The following SPTB variants were observed in gnomAD, a reference collection of about 807,000 sequenced individuals.
The protein encoded by SPTB is spectrin beta chain, erythrocytic.
SPTB carries 45 observed loss-of-function variants against 256.2 expected under a neutral mutation model. The observed-to-expected ratio is 0.18, with a 90% CI of 0.14 to 0.23. SPTB has a LOEUF of 0.23. SPTB is among the 10% of genes least tolerant of loss of function. The pLI is 1.00. For missense variants in SPTB, 2,715 were observed against 3,040.4 expected (o/e 0.89, Z 2.52); for synonymous variants, 1,231 against 1,243.1 (o/e 0.99, Z 0.21).
chr14:64,833,419 C>T (rs1020256681), intron 1 of SPTB, among the ~76,000 whole-genome samples: 9 of 152,038 alleles, frequency 5.9e-5, no homozygotes, highest in East Asian at 1.9e-4. Context: ...GGCATGGTGG[C>T]GCACACCTGT....
intron 1 of SPTB, among the ~76,000 whole-genome samples, chr14:64,842,274 C>T (rs978435082): frequency 2.0e-5 from 3 of 152,190 alleles, no homozygotes; most frequent in Non-Finnish European, 4.4e-5. Context: ...TTTCCTAGTA[C>T]ATGGTAGCAG....
intron 1 of SPTB, among the ~76,000 whole-genome samples, chr14:64,850,303 G>A (rs1594841773): frequency 6.6e-6 from 1 of 152,172 alleles, no homozygotes; most frequent in Non-Finnish European, 1.5e-5. Context: ...GGTAGGATAA[G>A]GGCCTCCCCA....
chr14:64,879,341 G>A (rs1321517297), intron 1 of SPTB, among the ~76,000 whole-genome samples: 2 of 152,200 alleles, frequency 1.3e-5, no homozygotes, highest in Non-Finnish European at 2.9e-5. Context: ...CCCAGAAGAG[G>A]GATATGAGCG....
intron 1 of SPTB, among the ~76,000 whole-genome samples, chr14:64,859,408 A>C (rs2083922649): frequency 6.6e-6 from 1 of 152,234 alleles, no homozygotes; most frequent in South Asian, 2.1e-4. Context: ...AAACAACGTA[A>C]GCTGTTAAAT....
At chr14:64,822,351 T>TCTC (rs2083302554) in intron 2 of SPTB, among the ~76,000 whole-genome samples, 4 of 8,212 alleles carry the variant, frequency 4.9e-4, no homozygotes, top group African/African-American at 2.6e-3. Flanking sequence ...CACCCCCACC[T>TCTC]TCTCTCTCTC....
chr14:64,848,407 C>A (rs1369907224), intron 1 of SPTB, among the ~76,000 whole-genome samples: 1 of 152,082 alleles, frequency 6.6e-6, no homozygotes, highest in African/African-American at 2.4e-5. Context: ...AGAGAGCTGG[C>A]CAGATGTTCT....
At position 64,823,180 on chromosome 14, in the gene SPTB, T is replaced by A. The variant is rs570924034; in HGVS notation, c.-51-35A>T. ...AGCAACACAGTCAGAGGGTTATCTCTCTACCCCCTCGGACTTTTTCTCCGG... is the reference window on the plus strand; with the variant it reads ...AGCAACACAGTCAGAGGGTTATCTCACTACCCCCTCGGACTTTTTCTCCGG... On this transcript the variant is annotated intron_variant, in intron 1 of 35. Coordinates refer to ENST00000644917, the MANE Select transcript of SPTB (RefSeq NM_001355436.2). The surrounding 1 kb of genome is among the most constrained non-coding windows in gnomAD (Gnocchi z 6.5). 1 of 1,536,814 alleles carries A rather than the reference T, an allele frequency of 6.5e-7. No individual in the cohort carries two copies. Among genetic ancestry groups the A allele is most frequent in the Non-Finnish European group, 9.0e-7 (1 of 1,112,212 alleles).
At chr14:64,869,607 G>GTC (rs1329409500) in intron 1 of SPTB, among the ~76,000 whole-genome samples, 1 of 133,708 alleles carries the variant, frequency 7.5e-6, no homozygotes, top group African/African-American at 2.7e-5. Context: ...ACTGTGCTTG[G>GTC]TCAGATTTTT....
chr14:64,812,573 G>A (rs558665058), intron 2 of SPTB, among the ~76,000 whole-genome samples: 2 of 151,830 alleles, frequency 1.3e-5, no homozygotes, highest in South Asian at 2.1e-4. Context: ...GGGTCACGGC[G>A]CAGTCTCTTT....
chr14:64,794,599 C>T lies in SPTB; in HGVS notation c.1663G>A (p.Glu555Lys), dbSNP rs570709723. 7 of 1,614,092 alleles carry T rather than the reference C, an allele frequency of 4.3e-6. No homozygotes were observed. The highest frequency in any genetic ancestry group is 2.2e-5 in the South Asian group (2 of 91,074). Residue 555 changes from glutamate to lysine, a missense_variant, in exon 13 of 36, where the codon GAG (glutamate) becomes AAG (lysine). This residue lies in a region of SPTB where 2,239 missense variants were observed against 2,384.4 expected (regional missense o/e 0.94). Coordinates refer to ENST00000644917, the MANE Select transcript of SPTB (RefSeq NM_001355436.2). ...DEIKAHLLSAEFGKHLLEVED... is the reference protein window; with the variant it reads ...DEIKAHLLSAKFGKHLLEVED... ...ACCTCCAACAAGTGCTTCCCAAACT[C>T]GGCAGACAAGAGGTGAGCCTGGCAA...
At chr14:64,799,548 C>G (rs980721297) in intron 9 of SPTB, among the ~76,000 whole-genome samples, 199 bp downstream of exon 9, 1 of 152,234 alleles carries the variant, frequency 6.6e-6, no homozygotes, top group Admixed American at 6.5e-5. Flanking sequence ...GGTTTCTCAT[C>G]AATGCTGGTT....
At chr14:64,805,700 G>C (rs1410446553) in intron 2 of SPTB, among the ~76,000 whole-genome samples, 1 of 152,160 alleles carries the variant, frequency 6.6e-6, no homozygotes, top group East Asian at 1.9e-4. Context: ...GCTGTATTGT[G>C]GCTGTCTGTA....
rs2082762164 is a variant in SPTB at position 64,796,011 on chromosome 14, C to T, written c.1342-372G>A. ...ACTCGGAAACCCATGCACCAGCAAA[C>T]AGATGGTTTATTCACATGCTATCTG... On this transcript the variant is annotated intron_variant, in intron 11 of 35. Transcript: ENST00000644917. The surrounding 1 kb of genome is among the most constrained non-coding windows in gnomAD (Gnocchi z 4.1). Among the ~76,000 whole-genome samples the T allele has an allele frequency of 6.6e-6, 1 of 152,204 alleles. No homozygotes were observed.
At chr14:64,770,857 G>A in intron 27 of SPTB, 28 bp downstream of exon 27, 1 of 1,613,826 alleles carries the variant, frequency 6.2e-7, no homozygotes, top group Non-Finnish European at 8.5e-7. Flanking sequence ...GAGAGGAGCT[G>A]CCTCTGCCTC....
At chr14:64,800,637 G>A (rs1594791009) in intron 8 of SPTB, 119 bp downstream of exon 8, 3 of 870,918 alleles carry the variant, frequency 3.4e-6, no homozygotes, top group Middle Eastern at 3.2e-4. Flanking sequence ...AGCTTTAGAG[G>A]AAGTTGGGGG....
In SPTB at chr14:64,790,898, TG is replaced by T. The variant is rs2082658313; in HGVS notation, c.2804+820del. ...TAAAGGCTCCTTGGGGCCTATTTTT[TG>T]TTCTGGCCACAAAGCTTGCTTAAGG... is the stretch of plus-strand genomic sequence containing the variant. On this transcript the variant is annotated intron_variant, in intron 15 of 35. Transcript: ENST00000644917. This position sits in a 1 kb window ranked among gnomAD's most constrained non-coding sequence, Gnocchi z 4.8. Among the ~76,000 whole-genome samples the T allele has an allele frequency of 6.6e-6, 1 of 152,216 alleles. No individual in the cohort carries two copies. The highest frequency in any genetic ancestry group is 2.4e-5 in the African/African-American group (1 of 41,448).
At chr14:64,879,517 G>A (rs1883005882) in intron 1 of SPTB, among the ~76,000 whole-genome samples, 1 of 152,180 alleles carries the variant, frequency 6.6e-6, no homozygotes, top group East Asian at 1.9e-4. Context: ...CGGACTCTCC[G>A]GGATCCCGCT....
At chr14:64,821,158 C>T (rs749810353) in intron 2 of SPTB, among the ~76,000 whole-genome samples, 1 of 152,240 alleles carries the variant, frequency 6.6e-6, no homozygotes, top group Non-Finnish European at 1.5e-5. Flanking sequence ...ATTTTCCTTG[C>T]ATCTCTTCCT....
At chr14:64,858,935 A>G (rs2083915581) in intron 1 of SPTB, among the ~76,000 whole-genome samples, 1 of 152,222 alleles carries the variant, frequency 6.6e-6, no homozygotes, top group Non-Finnish European at 1.5e-5. Flanking sequence ...ATAAAAAAAC[A>G]GAAACAACCT....
Sources: allele counts gnomAD v4.1 joint callset (sites outside exome capture counted in the v4.1 genomes callset), GRCh38; gene constraint gnomAD v4.1.1; regional missense constraint gnomAD v4.1.1; non-coding constraint Gnocchi (gnomAD v3.1); transcripts MANE v1.5; gene names NCBI Gene and HGNC (gene_info 2026-07-23, HGNC 2026-07-21).